Variants in CLASP1 observed in about 807,000 individuals in gnomAD.
CLASP1 encodes the protein cytoplasmic linker associated protein 1.
CLASP1 carries 38 observed loss-of-function variants against 192.3 expected under a neutral mutation model. The observed-to-expected ratio is 0.20, with a 90% CI of 0.15 to 0.26. The LOEUF is 0.26. CLASP1 is among the 10% of genes least tolerant of loss of function. The pLI, the probability that CLASP1 is intolerant of heterozygous loss-of-function variation, is 1.00. For missense variants in CLASP1, 1,433 were observed against 1,932.5 expected (o/e 0.74, Z 4.85); for synonymous variants, 691 against 712.8 (o/e 0.97, Z 0.49).
intron 23 of CLASP1, among the ~76,000 whole-genome samples, chr2:121,417,233 T>C (rs1038644182): frequency 1.3e-5 from 2 of 152,150 alleles, no homozygotes; most frequent in African/African-American, 4.8e-5. Flanking sequence ...CAGCACACCT[T>C]GCCTGCTCCA....
intron 22 of CLASP1, among the ~76,000 whole-genome samples, 188 bp downstream of exon 22, chr2:121,424,951 T>A (rs1181963233): frequency 6.6e-6 from 1 of 152,202 alleles, no homozygotes; most frequent in African/African-American, 2.4e-5. Flanking sequence ...TTTGAAGGGT[T>A]AAGTCCCATA....
In CLASP1 at chr2:121,450,836, T is replaced by A. The variant is rs1365545599; in HGVS notation, c.1523+77A>T. On this transcript the variant is annotated intron_variant, in intron 16 of 39. Transcript: ENST00000263710. ...CAAATATGTTCAAGTAACTTAAGTT[T>A]TTAATAAGGCAATCCTATAATTCAT... 6 of 1,082,732 alleles carry A rather than the reference T, an allele frequency of 5.5e-6. No homozygotes were observed. In the Admixed American group the frequency reaches 1.0e-4, roughly 19 times the overall value. 67.1% of individuals were successfully genotyped at this position (1,082,732 alleles called of 1,614,324 possible). A position where few individuals can be genotyped will look rare whatever the true frequency, so the allele number is the denominator to read the frequency against.
intron 8 of CLASP1, among the ~76,000 whole-genome samples, chr2:121,477,974 G>A (rs142665222): frequency 1.2e-4 from 19 of 152,096 alleles, no homozygotes; most frequent in African/African-American, 4.6e-4. Flanking sequence ...AGTATGTTCT[G>A]CACATTGTGT....
chr2:121,523,164 A>T (rs1264788990), intron 6 of CLASP1, among the ~76,000 whole-genome samples: 1 of 152,246 alleles, frequency 6.6e-6, no homozygotes, highest in Non-Finnish European at 1.5e-5. Context: ...GGTGTCTTAC[A>T]TTGCGTCAGG....
intron 19 of CLASP1, among the ~76,000 whole-genome samples, chr2:121,443,987 T>C (rs1205549058): frequency 1.3e-5 from 2 of 152,050 alleles, no homozygotes; most frequent in African/African-American, 4.8e-5. Flanking sequence ...GAAAATGAAC[T>C]AGCTGTTCCT....
At chr2:121,434,774 G>C (rs940571515) in intron 19 of CLASP1, among the ~76,000 whole-genome samples, 5 of 152,088 alleles carry the variant, frequency 3.3e-5, no homozygotes, top group Non-Finnish European at 4.4e-5. Context: ...TGGATTACTT[G>C]AGGCTAGGAG....
intron 30 of CLASP1, 50 bp downstream of exon 31, chr2:121,397,090 C>T (rs780353136): frequency 6.3e-7 from 1 of 1,596,164 alleles, no homozygotes; most frequent in South Asian, 1.1e-5. Context: ...ATTTCTCTAA[C>T]ACAAGCCCAG....
chr2:121,448,899 A>T, intron 17 of CLASP1, 54 bp downstream of exon 17: 1 of 1,561,938 alleles, frequency 6.4e-7, no homozygotes, highest in Non-Finnish European at 8.7e-7. Context: ...TTCATGTGAC[A>T]AACTTTTAAA....
chr2:121,591,348 C>T (rs537234340), intron 2 of CLASP1, among the ~76,000 whole-genome samples: 8 of 152,144 alleles, frequency 5.3e-5, no homozygotes, highest in Non-Finnish European at 1.2e-4. Flanking sequence ...CACACTAATA[C>T]CAAAAACCAC....
chr2:121,508,614 GTATT>G (rs1424868461), intron 7 of CLASP1, among the ~76,000 whole-genome samples: 2 of 152,122 alleles, frequency 1.3e-5, no homozygotes, highest in African/African-American at 4.8e-5. Flanking sequence ...GAGACTCACT[GTATT>G]TATTTTTTTT....
intron 2 of CLASP1, among the ~76,000 whole-genome samples, chr2:121,581,424 G>A (rs1201276299): frequency 2.6e-5 from 4 of 151,130 alleles, no homozygotes; most frequent in South Asian, 2.1e-4. Flanking sequence ...ACAGGCGCCC[G>A]CCACCACGCC....
chr2:121,484,244 G>T (rs1280860356), intron 8 of CLASP1, among the ~76,000 whole-genome samples: 2 of 152,134 alleles, frequency 1.3e-5, no homozygotes, highest in African/African-American at 4.8e-5. Context: ...AGCCCAAATA[G>T]GTCAAGTGAG....
chr2:121,560,865 G>C (rs910244787), intron 2 of CLASP1, among the ~76,000 whole-genome samples: 2 of 152,180 alleles, frequency 1.3e-5, no homozygotes, highest in African/African-American at 4.8e-5. Context: ...CTCCCAAGTA[G>C]CCAGGATTAC....
chr2:121,525,074 G>A (rs2094544477), intron 6 of CLASP1, among the ~76,000 whole-genome samples: 1 of 152,142 alleles, frequency 6.6e-6, no homozygotes, highest in Non-Finnish European at 1.5e-5. Flanking sequence ...AGAGGCCACT[G>A]ACCATATATA....
intron 37 of CLASP1, among the ~76,000 whole-genome samples, chr2:121,356,115 CA>C (rs2065334875): frequency 6.6e-6 from 1 of 151,716 alleles, no homozygotes. Flanking sequence ...GGCTCTGTCA[CA>C]GACACACCAG....
intron 37 of CLASP1, among the ~76,000 whole-genome samples, chr2:121,358,533 A>G (rs567181664): frequency 2.0e-5 from 3 of 152,316 alleles, no homozygotes; most frequent in East Asian, 3.9e-4. Context: ...ATTTGATCAC[A>G]TATCTTCTCT....
intron 2 of CLASP1, among the ~76,000 whole-genome samples, chr2:121,571,723 C>T (rs992833787): frequency 3.3e-5 from 5 of 152,016 alleles, no homozygotes; most frequent in South Asian, 2.1e-4. Flanking sequence ...CAATCCATAC[C>T]GAGGAAAGAG....
At chr2:121,482,586 C>G (rs191931231) in intron 8 of CLASP1, among the ~76,000 whole-genome samples, 2 of 152,240 alleles carry the variant, frequency 1.3e-5, no homozygotes, top group Middle Eastern at 3.4e-3. Context: ...GAGACTGGTA[C>G]TTTAATATCC....
intron 11 of CLASP1, 98 bp downstream of exon 11, chr2:121,461,003 T>C (rs892092087): frequency 3.2e-5 from 23 of 728,506 alleles, no homozygotes; most frequent in African/African-American, 7.4e-5. Context: ...ATATGTACTA[T>C]TTAGAATTCA....
Sources: gnomAD v4.1 joint callset for allele counts (sites outside exome capture counted in the v4.1 genomes callset) on GRCh38, gnomAD v4.1.1 for gene constraint, MANE v1.5 for transcripts, NCBI Gene and HGNC (gene_info 2026-07-23, HGNC 2026-07-21) for gene names.